The following ENOX1 variants were observed in gnomAD, a reference collection of about 807,000 sequenced individuals.
ENOX1 encodes ecto-NOX disulfide-thiol exchanger 1.
In ENOX1, 42 loss-of-function variants were observed where a neutral mutation model predicts 82.5. The ratio of observed to expected loss-of-function variants is 0.51; its 90% CI spans 0.40 to 0.66. The LOEUF (loss-of-function observed/expected upper bound fraction) is 0.66. Among genes scored for constraint, ENOX1 ranks in the 30% least tolerant of loss-of-function variants. The pLI is 0.00. For synonymous variants in ENOX1, 271 were observed against 282.2 expected (o/e 0.96, Z 0.40); for missense variants, 608 against 811.6 (o/e 0.75, Z 3.05).
At chr13:43,727,428 A>G (rs531729984) in intron 1 of ENOX1, among the ~76,000 whole-genome samples, 23 of 152,230 alleles carry the variant, frequency 1.5e-4, no homozygotes, top group African/African-American at 5.3e-4. Context: ...GTTCTTCTCT[A>G]TTTGGCTGGC....
chr13:43,362,733 C>G (rs1436399439), intron 5 of ENOX1, among the ~76,000 whole-genome samples: 1 of 152,196 alleles, frequency 6.6e-6, no homozygotes, highest in African/African-American at 2.4e-5. Context: ...CTAGCAAAAG[C>G]GTTTCCTTTC....
intron 3 of ENOX1, among the ~76,000 whole-genome samples, chr13:43,466,092 G>C (rs1207460291): frequency 6.6e-6 from 1 of 152,142 alleles, no homozygotes; most frequent in Non-Finnish European, 1.5e-5. Context: ...AATGTGGGTA[G>C]AAGTGATACT....
chr13:43,378,782 C>T (rs928626626), intron 5 of ENOX1, among the ~76,000 whole-genome samples: 1 of 152,084 alleles, frequency 6.6e-6, no homozygotes, highest in Non-Finnish European at 1.5e-5. Context: ...GTCTGGTAAC[C>T]AATTAAAAAT....
At chr13:43,735,893 G>A (rs1297700666) in intron 1 of ENOX1, among the ~76,000 whole-genome samples, 1 of 152,210 alleles carries the variant, frequency 6.6e-6, no homozygotes, top group Non-Finnish European at 1.5e-5. Context: ...ATTTAGGGGT[G>A]ACCATAGCAC....
intron 3 of ENOX1, among the ~76,000 whole-genome samples, chr13:43,436,597 C>A (rs1353630184): frequency 6.6e-6 from 1 of 152,152 alleles, no homozygotes; most frequent in African/African-American, 2.4e-5. Flanking sequence ...AGTTATATAA[C>A]AGCCTTGATA....
chr13:43,466,477 A>C (rs2057724438), intron 3 of ENOX1, among the ~76,000 whole-genome samples: 2 of 152,162 alleles, frequency 1.3e-5, no homozygotes, highest in African/African-American at 4.8e-5. Context: ...GGGAAGTCTG[A>C]GTCATTATAA....
intron 2 of ENOX1, among the ~76,000 whole-genome samples, chr13:43,515,333 T>C (rs2077519606): frequency 6.6e-6 from 1 of 152,152 alleles, no homozygotes; most frequent in Non-Finnish European, 1.5e-5. Context: ...AATCTGCATT[T>C]TAATGAGGTC....
intron 5 of ENOX1, among the ~76,000 whole-genome samples, chr13:43,398,615 T>C (rs924103547): frequency 1.3e-5 from 2 of 152,058 alleles, no homozygotes; most frequent in Admixed American, 6.6e-5. Flanking sequence ...TATGCCTGCC[T>C]CTCCTGCCTC....
At position 43,581,888 on chromosome 13, in the gene ENOX1, A is replaced by G. The variant is rs76438810; in HGVS notation, c.-219+85591T>C. Among the ~76,000 whole-genome samples, 42 of 152,328 alleles carry G rather than the reference A, an allele frequency of 2.8e-4. No individual in the cohort carries two copies. The East Asian group carries it at 7.7e-3, about 28-fold the overall frequency. On this transcript the variant is annotated intron_variant, in intron 2 of 16. Coordinates refer to ENST00000690772, the MANE Select transcript of ENOX1 (RefSeq NM_001347969.2). ...ATTTGTGATCAATCAAGTAGATTTA[A>G]AAAAAGGAACTATACAGAGTATCCA...
Position 43,418,134 on chromosome 13 carries a change from G to A in ENOX1, c.-74-5146C>T, listed in dbSNP as rs372684022. Among the ~76,000 whole-genome samples the A allele has an allele frequency of 1.1e-4, 17 of 150,324 alleles. No individual in the cohort carries two copies. The East Asian group carries it at 1.6e-3, about 14-fold the overall frequency. ...TACGACAGGAGAATTGCTTGAACCC[G>A]GGAGGCAGAGGTTGTAGAGCCGAGA... On this transcript the variant is annotated intron_variant, in intron 3 of 16. Coordinates refer to ENST00000690772, the MANE Select transcript of ENOX1 (RefSeq NM_001347969.2).
At chr13:43,581,334 G>A (rs943638844) in intron 2 of ENOX1, among the ~76,000 whole-genome samples, 21 of 150,874 alleles carry the variant, frequency 1.4e-4, no homozygotes, top group African/African-American at 4.9e-4. Context: ...GGGTTTCACC[G>A]TTTTAGCCGG....
At chr13:43,514,652 T>C (rs897053888) in intron 2 of ENOX1, among the ~76,000 whole-genome samples, 1 of 152,174 alleles carries the variant, frequency 6.6e-6, no homozygotes, top group Non-Finnish European at 1.5e-5. Flanking sequence ...TACTCAGTTG[T>C]CTAAAGCGAT....
At chr13:43,317,467 A>G (rs904220784) in intron 11 of ENOX1, among the ~76,000 whole-genome samples, 1 of 152,104 alleles carries the variant, frequency 6.6e-6, no homozygotes, top group African/African-American at 2.4e-5. Flanking sequence ...CACCCAGAAA[A>G]TACTTAATCA....
chr13:43,231,375 A>T (rs967750537), intron 15 of ENOX1, among the ~76,000 whole-genome samples: 7 of 152,190 alleles, frequency 4.6e-5, no homozygotes, highest in African/African-American at 1.7e-4. Flanking sequence ...AACTGTAGGA[A>T]ACCGATCAAA....
Position 43,299,010 on chromosome 13 carries a change from T to G in ENOX1, c.1262-480A>C, listed in dbSNP as rs117128531. On this transcript the variant is annotated intron_variant, in intron 11 of 16. Transcript: ENST00000690772. The stretch of plus-strand genomic sequence containing the variant: ...CAGCATCCCAGGGGAGAGAGGAAAT[T>G]ATATGCACACCACTCCTTCCTGCTC... 1.3e-3 allele frequency among the ~76,000 whole-genome samples: 191 copies of G among 152,306 alleles called. 1 individual carries two copies. In the East Asian group the frequency reaches 0.036, roughly 28 times the overall value.
chr13:43,412,700 C>T (rs969786213), intron 4 of ENOX1, 145 bp downstream of exon 4: 7 of 815,298 alleles, frequency 8.6e-6, no homozygotes, highest in Middle Eastern at 6.1e-4. Context: ...ACTTAGTGCT[C>T]TTTCATTTTC....
chr13:43,221,177 T>C (rs1213312027), intron 16 of ENOX1, among the ~76,000 whole-genome samples: 2 of 152,136 alleles, frequency 1.3e-5, no homozygotes, highest in South Asian at 2.1e-4. Flanking sequence ...TTCCACACCA[T>C]GGGCCTTGGG....
At chr13:43,750,426 A>G (rs989826480) in intron 1 of ENOX1, among the ~76,000 whole-genome samples, 14 of 152,342 alleles carry the variant, frequency 9.2e-5, no homozygotes, top group African/African-American at 2.9e-4. Context: ...CAGGCTTTCA[A>G]CACAGCAGGG....
chr13:43,680,981 GGA>G (rs1461907339), intron 1 of ENOX1, among the ~76,000 whole-genome samples: 1 of 152,070 alleles, frequency 6.6e-6, no homozygotes, highest in Non-Finnish European at 1.5e-5. Context: ...AAACATGAAA[GGA>G]GAGAAAGAGA....
Sources: gnomAD v4.1 joint callset for allele counts (sites outside exome capture counted in the v4.1 genomes callset) on GRCh38, gnomAD v4.1.1 for gene constraint, MANE v1.5 for transcripts, NCBI Gene and HGNC (gene_info 2026-07-23, HGNC 2026-07-21) for gene names.